The following ZNF346 variants were observed in gnomAD, a reference collection of about 807,000 sequenced individuals.
ZNF346 encodes the protein double-stranded RNA-binding zinc finger protein JAZ.
A neutral mutation model predicts 33.7 loss-of-function variants in ZNF346; 23 were observed. The observed-to-expected ratio is 0.68, with a 90% CI of 0.49 to 0.97. The LOEUF is 0.97. Among genes scored for constraint, ZNF346 ranks in the 50% least tolerant of loss-of-function variants. ZNF346 has a pLI of 0.00. For synonymous variants in ZNF346, 134 were observed against 142.4 expected (o/e 0.94, Z 0.42); for missense variants, 340 against 371.1 (o/e 0.92, Z 0.69).
Position 177,064,903 on chromosome 5 carries a change from G to T in ZNF346, c.*304G>T. ...AACCCCTCTGGGCCTTAGGTGCTGA[G>T]GCCCCTGCCACCTGTCTTTCCTCTA... is the stretch of plus-strand genomic sequence containing the variant. On this transcript the variant is annotated 3_prime_UTR_variant, in exon 7 of 7. Transcript: ENST00000358149. 2.9e-6 allele frequency: 1 copy of T among 341,302 alleles called. No individual in the cohort carries two copies. The highest frequency in any genetic ancestry group is 5.4e-6 in the Non-Finnish European group (1 of 185,034). 21.1% of individuals were successfully genotyped at this position (341,302 alleles called of 1,614,324 possible). A position where few individuals can be genotyped will look rare whatever the true frequency, so the allele number is the denominator to read the frequency against.
chr5:177,071,952 C>T (rs1417044893), downstream of ZNF346, among the ~76,000 whole-genome samples: 1 of 152,210 alleles, frequency 6.6e-6, no homozygotes, highest in African/African-American at 2.4e-5. Context: ...CTTCATCTGT[C>T]TAGGAATATC....
intron 1 of ZNF346, among the ~76,000 whole-genome samples, chr5:177,038,583 G>A (rs529861339): frequency 1.3e-4 from 20 of 151,868 alleles, no homozygotes; most frequent in Admixed American, 2.6e-4. Flanking sequence ...CACAAAGCAC[G>A]TATTATAAAT....
At chr5:177,072,591 TGTAACCCCA>T (rs1336496485), downstream of ZNF346, among the ~76,000 whole-genome samples, 1 of 152,214 alleles carries the variant, frequency 6.6e-6, no homozygotes, top group Non-Finnish European at 1.5e-5. Context: ...GGCTCACACC[TGTAACCCCA>T]GTACTTTGGG....
At position 177,067,319 on chromosome 5, in the gene ZNF346, G is replaced by A. The variant is rs1783262059; in HGVS notation, c.*2720G>A. On this transcript the variant is annotated 3_prime_UTR_variant, in exon 7 of 7. Transcript: ENST00000358149. ...AAGAGCTCTTTGTCCATCCTTTACT[G>A]TAGACAGCCAGATTTGAGGAAGGGG... 6.6e-6 allele frequency among the ~76,000 whole-genome samples: 1 copy of A among 152,126 alleles called. No homozygotes were observed. The highest frequency in any genetic ancestry group is 6.6e-5 in the Admixed American group (1 of 15,258).
In ZNF346 at chr5:177,066,057, CA is replaced by C; in HGVS notation, c.*1459del. ...CTTGACCCCTCACCCCCACCCCATTCAGACCTCAGTAGTCCCCAGTAGTCAC... is the reference window on the plus strand; with the variant it reads ...CTTGACCCCTCACCCCCACCCCATTCGACCTCAGTAGTCCCCAGTAGTCAC... On this transcript the variant is annotated 3_prime_UTR_variant, in exon 7 of 7. Transcript: ENST00000358149. 1 of 146,258 alleles carries C rather than the reference CA, an allele frequency of 6.8e-6. No individual in the cohort carries two copies. The highest frequency in any genetic ancestry group is 1.5e-5 in the Non-Finnish European group (1 of 66,822). 9.1% of individuals were successfully genotyped at this position (146,258 alleles called of 1,614,324 possible). A position where few individuals can be genotyped will look rare whatever the true frequency, so the allele number is the denominator to read the frequency against.
intron 5 of ZNF346, among the ~76,000 whole-genome samples, chr5:177,058,982 G>A (rs1446004319): frequency 4.6e-5 from 7 of 152,130 alleles, no homozygotes; most frequent in African/African-American, 9.7e-5. Flanking sequence ...TGATCCACCC[G>A]CCTCGCCCTC....
At chr5:177,048,687 A>G (rs979049181) in intron 4 of ZNF346, among the ~76,000 whole-genome samples, 4 of 152,098 alleles carry the variant, frequency 2.6e-5, no homozygotes, top group Non-Finnish European at 5.9e-5. Context: ...TGTGCTTTTG[A>G]TCTTTTTTCC....
At chr5:177,044,801 A>G (rs1436081702) in intron 4 of ZNF346, among the ~76,000 whole-genome samples, 2 of 152,120 alleles carry the variant, frequency 1.3e-5, no homozygotes, top group African/African-American at 4.8e-5. Flanking sequence ...AGGAGTGCCA[A>G]AGTCCTCCAG....
intron 1 of ZNF346, 198 bp downstream of exon 1, chr5:177,023,111 C>G: frequency 6.8e-7 from 1 of 1,471,810 alleles, no homozygotes; most frequent in South Asian, 1.2e-5. Flanking sequence ...AAGGGCCGCT[C>G]ACGCTCAGGC....
At position 177,033,455 on chromosome 5, in the gene ZNF346, T is replaced by C. The variant is rs563416604; in HGVS notation, c.176-7671T>C. Among the ~76,000 whole-genome samples, 3 of 152,278 alleles carry C rather than the reference T, an allele frequency of 2.0e-5. No homozygotes were observed. In the East Asian group the frequency reaches 5.8e-4, roughly 29 times the overall value. On this transcript the variant is annotated intron_variant, in intron 1 of 6. Transcript: ENST00000358149. ...GCCTCCTAATAAGCTGGGTAGTAAA[T>C]AGGTTTCATCTTCCTAAGGATCACC...
intron 1 of ZNF346, among the ~76,000 whole-genome samples, chr5:177,026,916 ACCC>A (rs559047450): frequency 5.3e-4 from 81 of 152,272 alleles, no homozygotes; most frequent in African/African-American, 1.8e-3. Context: ...GTTAATCCTT[ACCC>A]ACTTGTGGCA....
chr5:177,044,587 C>T, intron 4 of ZNF346, 54 bp downstream of exon 4: 1 of 1,592,070 alleles, frequency 6.3e-7, no homozygotes, highest in South Asian at 1.1e-5. Flanking sequence ...CCTCAGGGCA[C>T]TACTGCCAGG....
At chr5:177,071,366 TAAAAAAAA>T (rs909904213), downstream of ZNF346, among the ~76,000 whole-genome samples, 1 of 129,856 alleles carries the variant, frequency 7.7e-6, no homozygotes, top group Non-Finnish European at 1.7e-5. Context: ...GGGAGCCTCT[TAAAAAAAA>T]AAAAAAGAAA....
At chr5:177,073,256 G>A (rs1783590761) in intron 8 of ZNF346, among the ~76,000 whole-genome samples, 1 of 152,168 alleles carries the variant, frequency 6.6e-6, no homozygotes, top group East Asian at 1.9e-4. Flanking sequence ...GAATAAAAAT[G>A]GGTATGGTCT....
intron 4 of ZNF346, 192 bp from the exon 5 acceptor site, chr5:177,050,559 T>C (rs938726346): frequency 6.5e-6 from 4 of 614,616 alleles, no homozygotes; most frequent in Non-Finnish European, 8.6e-6. Context: ...AATTAGAGAA[T>C]GCATTCACCT....
At chr5:177,053,137 G>A (rs1781182056) in intron 5 of ZNF346, among the ~76,000 whole-genome samples, 1 of 151,984 alleles carries the variant, frequency 6.6e-6, no homozygotes, top group Non-Finnish European at 1.5e-5. Flanking sequence ...CCAATATGGT[G>A]AAACCCAGTC....
intron 5 of ZNF346, among the ~76,000 whole-genome samples, chr5:177,056,501 A>T (rs1781694854): frequency 6.6e-6 from 1 of 152,208 alleles, no homozygotes; most frequent in South Asian, 2.1e-4. Context: ...AATAGCAAAG[A>T]CTTGGAACCA....
At chr5:177,053,369 A>G (rs955941753) in intron 5 of ZNF346, among the ~76,000 whole-genome samples, 5 of 150,562 alleles carry the variant, frequency 3.3e-5, no homozygotes, top group Non-Finnish European at 5.9e-5. Context: ...TAAGCTGGTC[A>G]TGAGCTCTTG....
intron 2 of ZNF346, 89 bp from the exon 3 acceptor site, chr5:177,041,689 A>G (rs532605570): frequency 3.6e-6 from 3 of 836,700 alleles, no homozygotes; most frequent in South Asian, 3.2e-5. Flanking sequence ...GTGAGGATGA[A>G]TCAGATGAAA....
Sources: allele counts gnomAD v4.1 joint callset (sites outside exome capture counted in the v4.1 genomes callset), GRCh38; gene constraint gnomAD v4.1.1; transcripts MANE v1.5; gene names NCBI Gene and HGNC (gene_info 2026-07-23, HGNC 2026-07-21).